The following ZZEF1 variants were observed in gnomAD, a reference collection of about 807,000 sequenced individuals.
ZZEF1 encodes zinc finger ZZ-type and EF-hand domain-containing protein 1.
In ZZEF1, 157 loss-of-function variants were observed where a neutral mutation model predicts 342.8. The observed-to-expected ratio is 0.46, with a 90% CI of 0.40 to 0.52. The LOEUF is 0.52. ZZEF1 is among the 20% of genes least tolerant of loss of function. ZZEF1 has a pLI of 0.00. For missense variants in ZZEF1, 3,480 were observed against 3,725.6 expected, an observed-to-expected ratio of 0.93 and a Z score of 1.72; for synonymous variants, 1,505 against 1,429.1, an observed-to-expected ratio of 1.05 and a Z score of -1.20.
At chr17:4,094,547 CCGA>C (rs2058000260) in intron 11 of ZZEF1, among the ~76,000 whole-genome samples, 1 of 144,816 alleles carries the variant, frequency 6.9e-6, no homozygotes, top group Non-Finnish European at 1.6e-5. Context: ...CCATTGGCTA[CCGA>C]TTATCCATTG....
rs2058529612 is a variant in ZZEF1, at chr17:4,123,815, T to A, written c.499+92A>T. The A allele has an allele frequency of 6.2e-6, 9 of 1,447,182 alleles. No individual in the cohort carries two copies. The African/African-American group carries it at 1.1e-4, about 18-fold the overall frequency. The allele number at this position is 1,447,182 out of a possible 1,614,324, so 89.6% of individuals were successfully genotyped here. On this transcript the variant is annotated intron_variant, in intron 2 of 54. Coordinates refer to ENST00000381638, the MANE Select transcript of ZZEF1 (RefSeq NM_015113.4). ...CCTAATGAACACTGTTGGGGGAGTT[T>A]ACTGCATGTGGCCACAATTTTGCCT...
intron 34 of ZZEF1, 28 bp from the exon 35 acceptor site, chr17:4,052,164 G>C: frequency 6.3e-7 from 1 of 1,588,016 alleles, no homozygotes. Flanking sequence ...AGTGTGAGGG[G>C]ATGAGGTAGA....
At chr17:4,064,900 G>A in intron 28 of ZZEF1, 71 bp from the exon 29 acceptor site, 1 of 1,142,418 alleles carries the variant, frequency 8.8e-7, no homozygotes, top group South Asian at 1.5e-5. Context: ...AGGGGAGAGG[G>A]ATAGCATTAG....
chr17:4,032,984 C>A lies in ZZEF1; in HGVS notation c.6603G>T (p.Trp2201Cys). The A allele has an allele frequency of 1.9e-6, 3 of 1,581,220 alleles. No individual in the cohort carries two copies. The highest frequency in any genetic ancestry group is 2.6e-6 in the Non-Finnish European group (3 of 1,163,156). The change falls in exon 41 of 55, where the codon TGG (tryptophan) becomes TGT (cysteine). Residue 2201 changes from tryptophan to cysteine, a missense_variant. Trp to Cys is a radical substitution (Grantham distance 215). Coordinates refer to ENST00000381638, the MANE Select transcript of ZZEF1 (RefSeq NM_015113.4). ...VCLDSRVGLD[W>C]ACSMAEILRS... ...GCAGGATCTCTGCCATGGAGCACGC[C>A]CAGTCCAAGCCCACCCGGCTGGAAG...
chr17:4,119,035 G>A lies in ZZEF1; in HGVS notation c.500-1869C>T, dbSNP rs141283599. On this transcript the variant is annotated intron_variant, in intron 2 of 54. Coordinates refer to ENST00000381638, the MANE Select transcript of ZZEF1 (RefSeq NM_015113.4). The stretch of plus-strand genomic sequence containing the variant: ...GAGTTGATGTACCTGAGGTAAGACA[G>A]TGAGGGTATATTGCTGGCCTTGTCA... Among the ~76,000 whole-genome samples the A allele has an allele frequency of 2.2e-4, 34 of 152,368 alleles. 1 individual carries two copies. The East Asian group carries it at 4.0e-3, about 18-fold the overall frequency.
chr17:4,099,884 G>T (rs1358814486), intron 9 of ZZEF1, among the ~76,000 whole-genome samples: 1 of 150,042 alleles, frequency 6.7e-6, no homozygotes, highest in Non-Finnish European at 1.5e-5. Flanking sequence ...TTGACACCCT[G>T]CCCTCCACTT....
At chr17:4,087,681 C>T (rs1422584092) in intron 13 of ZZEF1, 147 bp from the exon 14 acceptor site, 2 of 714,798 alleles carry the variant, frequency 2.8e-6, no homozygotes, top group Admixed American at 3.4e-5. Context: ...CTCTTAACTA[C>T]AAAAAGGTTT....
chr17:4,078,066 A>C, intron 18 of ZZEF1, 24 bp from the exon 19 acceptor site: 1 of 1,604,872 alleles, frequency 6.2e-7, no homozygotes, highest in Non-Finnish European at 8.5e-7. Flanking sequence ...GACAAACAGA[A>C]AGTGTTCGTG....
chr17:4,109,529 C>G, intron 6 of ZZEF1, 124 bp downstream of exon 6: 1 of 979,266 alleles, frequency 1.0e-6, no homozygotes, highest in Non-Finnish European at 1.6e-6. Context: ...CACTAGGGCA[C>G]CTGAGGCCGA....
chr17:4,101,618 CCCTTCTTTGTTTTGTTTTGTTTTTTTG>C (rs1203434613), intron 9 of ZZEF1, among the ~76,000 whole-genome samples: 1 of 151,834 alleles, frequency 6.6e-6, no homozygotes, highest in Non-Finnish European at 1.5e-5. Context: ...TCTGGAAATA[CCCTTCTTTGTTTTGTTTTGTTTTTTTG>C]AAACAGAGTC....
intron 13 of ZZEF1, among the ~76,000 whole-genome samples, chr17:4,088,035 CA>C (rs1263089645): frequency 6.6e-6 from 1 of 152,092 alleles, no homozygotes. Context: ...TAACGAAGAC[CA>C]AACAAACCTT....
At position 4,009,693 on chromosome 17, in the gene ZZEF1, G is replaced by C; in HGVS notation, c.8644C>G (p.Leu2882Val). ...CCGGGCTGCGTCACGTCCTCAAACA[G>C]GCCGTACTCCATGTGGGTAAAGAGC... is the stretch of plus-strand genomic sequence containing the variant. ...WQLFTHMEYG[L>V]FEDVTQPGIL... Residue 2882 changes from leucine to valine, a missense_variant, in exon 53 of 55, where the codon CTG (leucine) becomes GTG (valine). Coordinates refer to ENST00000381638, the MANE Select transcript of ZZEF1 (RefSeq NM_015113.4). 6.2e-7 allele frequency: 1 copy of C among 1,614,148 alleles called. No individual in the cohort carries two copies. The highest frequency in any genetic ancestry group is 8.5e-7 in the Non-Finnish European group (1 of 1,180,034).
chr17:4,132,504 C>T (rs1337657544), intron 1 of ZZEF1, among the ~76,000 whole-genome samples: 1 of 152,112 alleles, frequency 6.6e-6, no homozygotes, highest in African/African-American at 2.4e-5. Context: ...CAAGACCATC[C>T]TGGCTAACAC....
intron 30 of ZZEF1, among the ~76,000 whole-genome samples, chr17:4,059,566 G>A (rs1398899804): frequency 6.6e-6 from 1 of 152,062 alleles, no homozygotes; most frequent in African/African-American, 2.4e-5. Flanking sequence ...CACTACTTGG[G>A]TGCCAGATAC....
chr17:4,057,462 G>A (rs1275162919), intron 32 of ZZEF1, among the ~76,000 whole-genome samples: 1 of 152,182 alleles, frequency 6.6e-6, no homozygotes, highest in African/African-American at 2.4e-5. Context: ...CACGAATAGG[G>A]AAGTGGATTT....
chr17:4,008,645 G>T lies in ZZEF1; in HGVS notation c.8805+238C>A, dbSNP rs944618836. On this transcript the variant is annotated intron_variant, in intron 54 of 54. Coordinates refer to ENST00000381638, the MANE Select transcript of ZZEF1 (RefSeq NM_015113.4). The surrounding 1 kb of genome is among the most constrained non-coding windows in gnomAD (Gnocchi z 4.2). Reference sequence around the variant, plus strand: ...TAAATTTAAGGCATCGGTTGTTTTGGTTTTAAAGACACAAATTCTTCTGAC... The same window carrying T: ...TAAATTTAAGGCATCGGTTGTTTTGTTTTTAAAGACACAAATTCTTCTGAC... 4 of 1,235,156 alleles carry T rather than the reference G, an allele frequency of 3.2e-6. No individual in the cohort carries two copies. In the African/African-American group the frequency reaches 6.2e-5, roughly 19 times the overall value. The allele number at this position is 1,235,156 out of a possible 1,614,324, so 76.5% of individuals were successfully genotyped here. A position where few individuals can be genotyped will look rare whatever the true frequency, so the allele number is the denominator to read the frequency against.
rs1404716001 is a variant in ZZEF1 at position 4,074,150 on chromosome 17, G to A, written c.3685C>T (p.Gln1229Ter). The part of the protein sequence containing the change: ...SQCMALKSVR[Q>*]LGSNMVVPQA... The stretch of plus-strand genomic sequence containing the variant: ...GGAAAGCACAGGGATGTGCACTTAC[G>A]GCGCACAGACTTGAGCGCCATGCAC... The change falls in exon 24 of 55, where the codon CAG (glutamine) becomes TAG (stop). Residue 1229 changes from glutamine (Q) to a stop codon, truncating the protein, a stop_gained and splice_region_variant. Transcript: ENST00000381638. LOFTEE classifies it high-confidence loss of function. The A allele has an allele frequency of 6.2e-7, 1 of 1,613,630 alleles. No homozygotes were observed.
chr17:4,114,688 T>C (rs538543301), intron 3 of ZZEF1, among the ~76,000 whole-genome samples: 3 of 152,330 alleles, frequency 2.0e-5, no homozygotes, highest in East Asian at 1.9e-4. Flanking sequence ...TGTTACGTCA[T>C]TGGCATATTA....
At chr17:4,070,022 A>G (rs2145266443) in intron 26 of ZZEF1, among the ~76,000 whole-genome samples, 2 of 152,252 alleles carry the variant, frequency 1.3e-5, no homozygotes, top group Middle Eastern at 6.8e-3. Flanking sequence ...GAAGGTAGAG[A>G]GAGACTCTCC....
Sources: gnomAD v4.1 joint callset for allele counts (sites outside exome capture counted in the v4.1 genomes callset) on GRCh38, gnomAD v4.1.1 for gene constraint, Gnocchi (gnomAD v3.1) non-coding constraint, MANE v1.5 for transcripts, NCBI Gene and HGNC (gene_info 2026-07-23, HGNC 2026-07-21) for gene names.